Variants in CCDC7 observed in about 807,000 individuals in gnomAD.
CCDC7 encodes coiled-coil domain containing 7, also known as coiled-coil domain-containing protein 7.
Under a neutral mutation model 196.9 loss-of-function variants are expected in CCDC7, and 183 were observed. That is an observed-to-expected ratio of 0.93 (90% CI 0.82 to 1.05). The LOEUF is 1.05. CCDC7 is among the 50% of genes least tolerant of loss of function. The pLI is 0.00. For synonymous variants in CCDC7, 525 were observed against 484.6 expected, an observed-to-expected ratio of 1.08 and a Z score of -1.10; for missense variants, 1,540 against 1,482.2, an observed-to-expected ratio of 1.04 and a Z score of -0.64.
chr10:32,849,680 C>T (rs748352417), intron 39 of CCDC7, among the ~76,000 whole-genome samples: 3 of 120,990 alleles, frequency 2.5e-5, no homozygotes, highest in African/African-American at 9.8e-5. Context: ...TCCAGCATGG[C>T]GAAAGAGCAA....
At chr10:32,845,739 A>G (rs2136174653) in intron 35 of CCDC7, 113 bp downstream of exon 36, 3 of 1,144,156 alleles carry the variant, frequency 2.6e-6, no homozygotes, top group South Asian at 1.4e-5. Context: ...TTACACAGGT[A>G]AAATTCTTCA....
At chr10:32,723,796 A>G (rs1375968780) in intron 25 of CCDC7, among the ~76,000 whole-genome samples, 1 of 152,082 alleles carries the variant, frequency 6.6e-6, no homozygotes, top group African/African-American at 2.4e-5. Context: ...AGCTGGGTGA[A>G]GTAACTCCAA....
intron 25 of CCDC7, among the ~76,000 whole-genome samples, chr10:32,721,297 T>G (rs544698566): frequency 3.0e-4 from 45 of 150,578 alleles, no homozygotes; most frequent in Admixed American, 2.0e-3. Context: ...CAGCTGATTT[T>G]GGGAGATTAT....
At chr10:32,528,042 C>T (rs1029164778) in intron 11 of CCDC7, among the ~76,000 whole-genome samples, 3 of 152,078 alleles carry the variant, frequency 2.0e-5, no homozygotes, top group Non-Finnish European at 4.4e-5. Flanking sequence ...TACCCACTGA[C>T]CCTTCCAAGT....
intron 2 of CCDC7, among the ~76,000 whole-genome samples, chr10:32,455,360 G>C (rs1203710317): frequency 1.3e-5 from 2 of 151,812 alleles, no homozygotes; most frequent in South Asian, 2.1e-4. Context: ...TGTCACCTAG[G>C]CTGGAGTGCA....
intron 11 of CCDC7, among the ~76,000 whole-genome samples, chr10:32,529,535 A>T (rs2049292254): frequency 6.6e-6 from 1 of 152,048 alleles, no homozygotes; most frequent in African/African-American, 2.4e-5. Context: ...GATGTTGAGC[A>T]TTTTTTTATG....
chr10:32,551,865 G>A (rs909791604), intron 13 of CCDC7, among the ~76,000 whole-genome samples: 6 of 152,110 alleles, frequency 3.9e-5, no homozygotes, highest in Non-Finnish European at 8.8e-5. Context: ...AATAGAATGT[G>A]TATTCTGTGG....
chr10:32,586,765 T>A (rs1364598445), intron 18 of CCDC7, among the ~76,000 whole-genome samples: 1 of 152,204 alleles, frequency 6.6e-6, no homozygotes, highest in East Asian at 1.9e-4. Context: ...CCAAGCTGTT[T>A]TGGCTACTGT....
chr10:32,464,835 ATTATTCTCTCTTGT>A (rs2036415043), intron 5 of CCDC7, among the ~76,000 whole-genome samples: 1 of 151,938 alleles, frequency 6.6e-6, no homozygotes, highest in Admixed American at 6.6e-5. Flanking sequence ...ACTTTGATTA[ATTATTCTCTCTTGT>A]ATATTCAGTT....
At chr10:32,738,622 T>G (rs1054008536) in intron 28 of CCDC7, among the ~76,000 whole-genome samples, 1 of 151,546 alleles carries the variant, frequency 6.6e-6, no homozygotes, top group South Asian at 2.1e-4. Context: ...TACAGGCACA[T>G]GCCACCATGC....
chr10:32,675,162 G>C (rs2074715315), intron 21 of CCDC7, among the ~76,000 whole-genome samples: 1 of 151,834 alleles, frequency 6.6e-6, no homozygotes, highest in South Asian at 2.1e-4. Context: ...TTTTATAGCT[G>C]TGCCCTATCT....
intron 5 of CCDC7, among the ~76,000 whole-genome samples, chr10:32,467,196 G>A (rs542801029): frequency 6.6e-6 from 1 of 151,956 alleles, no homozygotes; most frequent in East Asian, 1.9e-4. Context: ...CTGCCTCCTG[G>A]GTTCAAGCAA....
intron 18 of CCDC7, among the ~76,000 whole-genome samples, chr10:32,632,675 C>A (rs116652799): frequency 3.2e-4 from 48 of 152,080 alleles, no homozygotes; most frequent in African/African-American, 1.1e-3. Flanking sequence ...TCTAGTCTCC[C>A]TTATGATTTT....
At chr10:32,573,960 T>C (rs1007899348) in intron 16 of CCDC7, among the ~76,000 whole-genome samples, 5 of 152,272 alleles carry the variant, frequency 3.3e-5, no homozygotes, top group African/African-American at 1.2e-4. Context: ...TGAAGTATAA[T>C]GCAGACGTTG....
At chr10:32,761,494 T>C (rs1932505) in intron 28 of CCDC7, among the ~76,000 whole-genome samples, 21,753 of 151,944 alleles carry the variant, frequency 0.14, 1,897 homozygotes, top group African/African-American at 0.25. Context: ...ATTAGCTGGT[T>C]ACTCTTATTA....
At chr10:32,504,180 C>T (rs904579625) in intron 9 of CCDC7, among the ~76,000 whole-genome samples, 6 of 140,214 alleles carry the variant, frequency 4.3e-5, no homozygotes, top group Non-Finnish European at 9.0e-5. Flanking sequence ...TGCAGTGGCG[C>T]GATCTTGGCT....
chr10:32,718,491 C>G (rs898386127), intron 25 of CCDC7, among the ~76,000 whole-genome samples: 13 of 152,164 alleles, frequency 8.5e-5, no homozygotes, highest in African/African-American at 2.9e-4. Context: ...CTCACCACTC[C>G]TATTCAACAT....
chr10:32,486,389 G>T (rs1279380065), intron 8 of CCDC7, among the ~76,000 whole-genome samples: 1 of 151,508 alleles, frequency 6.6e-6, no homozygotes, highest in Non-Finnish European at 1.5e-5. Flanking sequence ...GCCTGTGTGT[G>T]TCTCTGCACG....
chr10:32,753,956 C>T (rs1372520909), intron 28 of CCDC7, among the ~76,000 whole-genome samples: 2 of 151,756 alleles, frequency 1.3e-5, no homozygotes, highest in Non-Finnish European at 1.5e-5. Flanking sequence ...ATTTTTTTAA[C>T]GTGTTGGAGA....
Sources: allele counts gnomAD v4.1 joint callset (sites outside exome capture counted in the v4.1 genomes callset), GRCh38; gene constraint gnomAD v4.1.1; transcripts MANE v1.5; gene names NCBI Gene and HGNC (gene_info 2026-07-23, HGNC 2026-07-21).